PRKAG2: variants seen among roughly 807,000 people sequenced by gnomAD.
PRKAG2 encodes protein kinase AMP-activated non-catalytic subunit gamma 2, also known as 5'-AMP-activated protein kinase subunit gamma-2.
A neutral mutation model predicts 69.6 loss-of-function variants in PRKAG2; 26 were observed. That is an observed-to-expected ratio of 0.37 (90% CI 0.27 to 0.52). The LOEUF (loss-of-function observed/expected upper bound fraction) is 0.52. Among genes scored for constraint, PRKAG2 ranks in the 20% least tolerant of loss-of-function variants. PRKAG2 has a pLI of 0.90. For missense variants in PRKAG2, 557 were observed against 740.0 expected (o/e 0.75, Z 2.87); for synonymous variants, 293 against 285.0 (o/e 1.03, Z -0.28).
intron 1 of PRKAG2, among the ~76,000 whole-genome samples, chr7:151,840,698 C>T (rs1353314928): frequency 6.6e-6 from 1 of 152,226 alleles, no homozygotes; most frequent in Non-Finnish European, 1.5e-5. Context: ...CCCGGACCTC[C>T]GTCGCCAGAG....
chr7:151,862,352 C>T (rs1304881385), intron 1 of PRKAG2, among the ~76,000 whole-genome samples: 1 of 152,260 alleles, frequency 6.6e-6, no homozygotes, highest in Non-Finnish European at 1.5e-5. Flanking sequence ...TTGAAACCAA[C>T]AAGACATGAT....
intron 5 of PRKAG2, among the ~76,000 whole-genome samples, chr7:151,624,445 C>T (rs1189053144): frequency 3.3e-5 from 5 of 152,038 alleles, no homozygotes; most frequent in Admixed American, 1.3e-4. Context: ...CCACAGCACC[C>T]GGCCGTGGCA....
chr7:151,694,152 G>C (rs1836192361), intron 3 of PRKAG2, among the ~76,000 whole-genome samples: 1 of 152,200 alleles, frequency 6.6e-6, no homozygotes, highest in Admixed American at 6.5e-5. Context: ...GGGATTACAG[G>C]CGTGAGCCAC....
intron 1 of PRKAG2, among the ~76,000 whole-genome samples, chr7:151,800,329 GC>G (rs2077771831): frequency 6.8e-6 from 1 of 148,096 alleles, no homozygotes; most frequent in Non-Finnish European, 1.5e-5. Flanking sequence ...CTGCACTCCA[GC>G]CTGGGCGACA....
intron 6 of PRKAG2, among the ~76,000 whole-genome samples, chr7:151,576,746 C>G (rs761731914): frequency 6.6e-6 from 1 of 152,190 alleles, no homozygotes; most frequent in African/African-American, 2.4e-5. Flanking sequence ...AGTGATCCAT[C>G]CACCTCGGCC....
intron 3 of PRKAG2, among the ~76,000 whole-genome samples, chr7:151,690,182 G>A (rs574847451): frequency 6.6e-6 from 1 of 152,294 alleles, no homozygotes; most frequent in African/African-American, 2.4e-5. Context: ...TGCTGCTAGT[G>A]TTTTTAATAG....
chr7:151,716,300 T>A (rs11970906), intron 3 of PRKAG2, among the ~76,000 whole-genome samples: 4,936 of 152,210 alleles, frequency 0.032, 177 homozygotes, highest in African/African-American at 0.091. Flanking sequence ...GATTATGACA[T>A]GTCAGGCAAA....
chr7:151,861,379 C>T (rs1264593327), intron 1 of PRKAG2, among the ~76,000 whole-genome samples: 2 of 151,692 alleles, frequency 1.3e-5, no homozygotes. Context: ...AATACAAAAC[C>T]TGGCCGGTCA....
chr7:151,867,924 C>T (rs2080118733), intron 1 of PRKAG2, among the ~76,000 whole-genome samples: 1 of 152,190 alleles, frequency 6.6e-6, no homozygotes, highest in South Asian at 2.1e-4. Context: ...GCAGGGCCAC[C>T]CCCAGCAATG....
At chr7:151,843,092 G>A (rs2079349602) in intron 1 of PRKAG2, among the ~76,000 whole-genome samples, 1 of 152,022 alleles carries the variant, frequency 6.6e-6, no homozygotes, top group Non-Finnish European at 1.5e-5. Flanking sequence ...AACACACAGT[G>A]TCTATATATC....
chr7:151,571,218 C>T (rs970201974), intron 9 of PRKAG2, among the ~76,000 whole-genome samples: 10 of 151,892 alleles, frequency 6.6e-5, no homozygotes, highest in Middle Eastern at 3.4e-3. Context: ...AGTACAGGTG[C>T]GCACCACCAC....
At chr7:151,598,530 T>C (rs981079908) in intron 5 of PRKAG2, among the ~76,000 whole-genome samples, 1 of 152,108 alleles carries the variant, frequency 6.6e-6, no homozygotes, top group Non-Finnish European at 1.5e-5. Flanking sequence ...AATATATACA[T>C]GTACTAAAAC....
chr7:151,811,786 T>A (rs1000189999), intron 1 of PRKAG2, among the ~76,000 whole-genome samples: 3 of 152,224 alleles, frequency 2.0e-5, no homozygotes, highest in African/African-American at 7.2e-5. Flanking sequence ...GGTTTCCTGC[T>A]ACGTCACCAG....
chr7:151,701,841 T>TGAAAAAAAAAA (rs1340611138), intron 3 of PRKAG2, among the ~76,000 whole-genome samples: 1 of 110,804 alleles, frequency 9.0e-6, no homozygotes, highest in African/African-American at 6.3e-5. Context: ...AGACTCTGTC[T>TGAAAAAAAAAA]CAAAAAAAAA....
rs551702294 is a variant in PRKAG2, at chr7:151,777,524, C to T, written c.466+3628G>A. Reference sequence around the variant, plus strand: ...GCTTTAAAGACTCCAGTACCTCCCCCCTCTCTCTTGCTCCCTTGCGTGTGA... The same window carrying T: ...GCTTTAAAGACTCCAGTACCTCCCCTCTCTCTCTTGCTCCCTTGCGTGTGA... On this transcript the variant is annotated intron_variant, in intron 3 of 15. Coordinates refer to ENST00000287878, the MANE Select transcript of PRKAG2 (RefSeq NM_016203.4). The surrounding 1 kb of genome is among the most constrained non-coding windows in gnomAD (Gnocchi z 4.3). Among the ~76,000 whole-genome samples, 1 of 152,160 alleles carries T rather than the reference C, an allele frequency of 6.6e-6. No homozygotes were observed.
At chr7:151,753,030 G>A (rs1586289249) in intron 3 of PRKAG2, among the ~76,000 whole-genome samples, 1 of 152,250 alleles carries the variant, frequency 6.6e-6, no homozygotes, top group African/African-American at 2.4e-5. Context: ...ATGGGTGGGT[G>A]CCCACCTGAG....
chr7:151,828,410 AAGAG>A lies in PRKAG2; in HGVS notation c.115-41873_115-41870del, dbSNP rs1291135461. On this transcript the variant is annotated intron_variant, in intron 1 of 15. Coordinates refer to ENST00000287878, the MANE Select transcript of PRKAG2 (RefSeq NM_016203.4). This position sits in a 1 kb window ranked among gnomAD's most constrained non-coding sequence, Gnocchi z 4.6. ...TGCATGCTCAGTAAATATTTGTTTA[AAGAG>A]AGAATGAACAGTTTAATGCATGAAG... 1.4e-4 allele frequency among the ~76,000 whole-genome samples: 22 copies of A among 152,240 alleles called. No homozygotes were observed. The highest frequency in any genetic ancestry group is 5.1e-4 in the African/African-American group (21 of 41,470).
chr7:151,569,317 G>A (rs1324289434), intron 10 of PRKAG2, among the ~76,000 whole-genome samples: 1 of 152,274 alleles, frequency 6.6e-6, no homozygotes, highest in African/African-American at 2.4e-5. Flanking sequence ...TTACGGGCAT[G>A]AGCCCTTGCG....
At chr7:151,604,158 T>C (rs1358546745) in intron 5 of PRKAG2, among the ~76,000 whole-genome samples, 1 of 152,110 alleles carries the variant, frequency 6.6e-6, no homozygotes, top group Non-Finnish European at 1.5e-5. Flanking sequence ...TGGGGAGCTG[T>C]GGGAGTGTGG....
Sources: gnomAD v4.1 joint callset for allele counts (sites outside exome capture counted in the v4.1 genomes callset) on GRCh38, gnomAD v4.1.1 for gene constraint, Gnocchi (gnomAD v3.1) non-coding constraint, MANE v1.5 for transcripts, NCBI Gene and HGNC (gene_info 2026-07-23, HGNC 2026-07-21) for gene names.